RUFY1: variants seen among roughly 807,000 people sequenced by gnomAD.
RUFY1 encodes RUN and FYVE domain-containing protein 1.
In RUFY1, 54 loss-of-function variants were observed where a neutral mutation model predicts 94.6. That is an observed-to-expected ratio of 0.57 (90% CI 0.46 to 0.72). The LOEUF (loss-of-function observed/expected upper bound fraction) is 0.72. Among genes scored for constraint, RUFY1 ranks in the 30% least tolerant of loss-of-function variants. The pLI is 0.00. For missense variants in RUFY1, 883 were observed against 883.9 expected, an observed-to-expected ratio of 1.00 and a Z score of 0.01; for synonymous variants, 396 against 347.3, an observed-to-expected ratio of 1.14 and a Z score of -1.56.
rs1485543929 is a variant in RUFY1 at position 179,594,717 on chromosome 5, C to T, written c.1414-149C>T. 21 of 472,288 alleles carry T rather than the reference C, an allele frequency of 4.4e-5. No homozygotes were observed. The East Asian group carries it at 6.1e-4, about 14-fold the overall frequency. The allele number at this position is 472,288 out of a possible 1,614,324, so 29.3% of individuals were successfully genotyped here. On this transcript the variant is annotated intron_variant, in intron 11 of 17. Coordinates refer to ENST00000319449, the MANE Select transcript of RUFY1 (RefSeq NM_025158.5). ...CGGAGCTGGCAGTGAGCCAAGATCA[C>T]GCCACTGCACTCTAGCCTGGGTGAC...
intron 5 of RUFY1, among the ~76,000 whole-genome samples, chr5:179,569,680 G>T (rs978062014): frequency 1.3e-5 from 2 of 152,072 alleles, no homozygotes; most frequent in African/African-American, 4.8e-5. Context: ...CTCTGTGGGC[G>T]AGGTGAAAGT....
At chr5:179,583,855 T>C (rs1476493384) in intron 7 of RUFY1, among the ~76,000 whole-genome samples, 1 of 152,076 alleles carries the variant, frequency 6.6e-6, no homozygotes, top group Non-Finnish European at 1.5e-5. Flanking sequence ...GTTCACGCCA[T>C]TCTCCTGCCT....
intron 12 of RUFY1, chr5:179,596,295 T>C: frequency 1.9e-6 from 1 of 532,872 alleles, no homozygotes; most frequent in South Asian, 2.0e-5. Flanking sequence ...ATATAATGTA[T>C]AATTACATTG....
chr5:179,599,060 T>G (rs1215788770), intron 14 of RUFY1, among the ~76,000 whole-genome samples: 1 of 152,186 alleles, frequency 6.6e-6, no homozygotes, highest in East Asian at 1.9e-4. Flanking sequence ...AGCAGAACAG[T>G]GTCCTCACCC....
At chr5:179,561,674 CTTTCTTTTTT>C (rs1762462937) in intron 2 of RUFY1, among the ~76,000 whole-genome samples, 1 of 88,326 alleles carries the variant, frequency 1.1e-5, no homozygotes, top group African/African-American at 4.1e-5. Flanking sequence ...CTGTTTTTTT[CTTTCTTTTTT>C]TTTTTTTTTT....
At chr5:179,563,386 T>C (rs1032569466) in intron 3 of RUFY1, among the ~76,000 whole-genome samples, 35 of 152,186 alleles carry the variant, frequency 2.3e-4, no homozygotes, top group African/African-American at 8.4e-4. Context: ...TCCACAGCCA[T>C]CCTCTAGGAT....
At position 179,589,606 on chromosome 5, in the gene RUFY1, C is replaced by A. The variant is rs781748344; in HGVS notation, c.1087C>A (p.Gln363Lys). ...LQEEQQQLRE[Q>K]NELIRERSEK... Reference sequence around the variant, plus strand: ...AGAAGAACAGCAGCAGTTAAGAGAACAAAATGAATTAATTCGAGAAAGAAG... The same window carrying A: ...AGAAGAACAGCAGCAGTTAAGAGAAAAAAATGAATTAATTCGAGAAAGAAG... The change falls in exon 9 of 18, where the codon CAA (glutamine) becomes AAA (lysine). Residue 363 changes from glutamine to lysine, a missense_variant. Physicochemically the swap from Gln to Lys is moderately conservative, Grantham distance 53. Transcript: ENST00000319449. 4 of 1,613,958 alleles carry A rather than the reference C, an allele frequency of 2.5e-6. No homozygotes were observed. The African/African-American group carries it at 5.3e-5, about 22-fold the overall frequency.
chr5:179,555,915 A>G (rs974721560), intron 1 of RUFY1: 2 of 208,806 alleles, frequency 9.6e-6, no homozygotes, highest in Non-Finnish European at 2.0e-5. Flanking sequence ...CCTGACCTCA[A>G]GTGACCTGCT....
At chr5:179,560,662 G>C (rs562842534) in intron 2 of RUFY1, among the ~76,000 whole-genome samples, 35 of 147,978 alleles carry the variant, frequency 2.4e-4, no homozygotes, top group Middle Eastern at 3.5e-3. Flanking sequence ...GGAGGCGGAG[G>C]TTGCAGTGAG....
intron 15 of RUFY1, among the ~76,000 whole-genome samples, chr5:179,603,049 C>A (rs960872527): frequency 3.3e-5 from 5 of 152,092 alleles, no homozygotes; most frequent in African/African-American, 1.2e-4. Flanking sequence ...GAGCAGATCA[C>A]CTGAGGTCAG....
At chr5:179,594,629 C>T (rs1185460401) in intron 11 of RUFY1, among the ~76,000 whole-genome samples, 6 of 144,092 alleles carry the variant, frequency 4.2e-5, no homozygotes, top group African/African-American at 7.8e-5. Flanking sequence ...GATGTGGTGG[C>T]GGGCGCCTGT....
intron 5 of RUFY1, among the ~76,000 whole-genome samples, chr5:179,576,138 G>C (rs1428290838): frequency 1.3e-5 from 2 of 152,142 alleles, no homozygotes; most frequent in East Asian, 3.9e-4. Flanking sequence ...CATAGGTTCT[G>C]TGATATGGCT....
Position 179,609,202 on chromosome 5 carries a change from A to G in RUFY1, c.1984-174A>G, listed in dbSNP as rs866419167. Among the ~76,000 whole-genome samples, 27 of 50,676 alleles carry G rather than the reference A, an allele frequency of 5.3e-4. No individual in the cohort carries two copies. The Admixed American group carries it at 6.5e-3, about 12-fold the overall frequency. 33.2% of individuals were successfully genotyped at this position (50,676 alleles called of 152,430 possible). ...AGCCCGGGCGACTGAGCAAGACTCT[A>G]TCTCAAAAAAAAAAAAAAAAAAAGA... is the stretch of plus-strand genomic sequence containing the variant. On this transcript the variant is annotated intron_variant, in intron 17 of 17. Coordinates refer to ENST00000319449, the MANE Select transcript of RUFY1 (RefSeq NM_025158.5).
rs770923176 is a variant in RUFY1 at position 179,550,672 on chromosome 5, G to A, written c.103G>A (p.Glu35Lys). The change falls in exon 1 of 18, where the codon GAG (glutamate) becomes AAG (lysine). Residue 35 changes from glutamate (E) to lysine (K), a missense_variant. By Grantham distance (56) the Glu-to-Lys change is moderately conservative. Coordinates refer to ENST00000319449, the MANE Select transcript of RUFY1 (RefSeq NM_025158.5). The stretch of plus-strand genomic sequence containing the variant: ...CGGGTCAGCGCTTGAGCCGGGAGAA[G>A]AGTTTGAGATCGTGGACCGAAGCCA... ...GPGSALEPGE[E>K]FEIVDRSQLP... is the part of the protein sequence containing the mutation. The A allele has an allele frequency of 1.3e-6, 2 of 1,495,700 alleles. No homozygotes were observed. The highest frequency in any genetic ancestry group is 1.8e-6 in the Non-Finnish European group (2 of 1,128,378). The allele number at this position is 1,495,700 out of a possible 1,614,324, so 92.7% of individuals were successfully genotyped here. A position where few individuals can be genotyped will look rare whatever the true frequency, so the allele number is the denominator to read the frequency against.
rs957154801 is a variant in RUFY1 at position 179,593,773 on chromosome 5, A to T, written c.1413+128A>T. 3 of 1,391,344 alleles carry T rather than the reference A, an allele frequency of 2.2e-6. No individual in the cohort carries two copies. In the African/African-American group the frequency reaches 4.4e-5, roughly 20 times the overall value. The allele number at this position is 1,391,344 out of a possible 1,614,324, so 86.2% of individuals were successfully genotyped here. A position where few individuals can be genotyped will look rare whatever the true frequency, so the allele number is the denominator to read the frequency against. On this transcript the variant is annotated intron_variant, in intron 11 of 17. Coordinates refer to ENST00000319449, the MANE Select transcript of RUFY1 (RefSeq NM_025158.5). ...CGTATGTGTCAGACCTGCTCCTAGG[A>T]CCTATTATGATTTTGATCCTCATGG...
intron 1 of RUFY1, among the ~76,000 whole-genome samples, chr5:179,552,446 A>G (rs1340304105): frequency 6.6e-6 from 1 of 152,198 alleles, no homozygotes; most frequent in East Asian, 1.9e-4. Context: ...TTCAGTGGTC[A>G]AGAATAATTA....
At position 179,598,007 on chromosome 5, in the gene RUFY1, G is replaced by GGT. The variant is rs543723784; in HGVS notation, c.1632-683_1632-682dup. ...AGTTCAAGACCAGCCTGGCCAACATGGTGAAACGTCATCTCTACTAAAAAT... is the reference window on the plus strand; with the variant it reads ...AGTTCAAGACCAGCCTGGCCAACATGGTGTGAAACGTCATCTCTACTAAAAAT... On this transcript the variant is annotated intron_variant, in intron 13 of 17. Coordinates refer to ENST00000319449, the MANE Select transcript of RUFY1 (RefSeq NM_025158.5). Among the ~76,000 whole-genome samples, 6 of 152,276 alleles carry GGT rather than the reference G, an allele frequency of 3.9e-5. No homozygotes were observed. The South Asian group carries it at 1.2e-3, about 32-fold the overall frequency.
chr5:179,609,529 C>G lies in RUFY1; in HGVS notation c.*10C>G. ...CTCCACGGCCTCCTGAACGTCCGTC[C>G]TCAGGAGCACAGCCTCACGGACAGT... On this transcript the variant is annotated 3_prime_UTR_variant, in exon 18 of 18. Transcript: ENST00000319449. The G allele has an allele frequency of 5.0e-6, 8 of 1,592,726 alleles. No homozygotes were observed. Among genetic ancestry groups the G allele is most frequent in the African/African-American group, 1.3e-5 (1 of 74,678 alleles).
chr5:179,552,185 A>AC (rs913029992), intron 1 of RUFY1, among the ~76,000 whole-genome samples: 2 of 151,086 alleles, frequency 1.3e-5, no homozygotes, highest in Admixed American at 6.6e-5. Context: ...AAAAAAAAAA[A>AC]AACTTGTTCC....
Sources: allele counts gnomAD v4.1 joint callset (sites outside exome capture counted in the v4.1 genomes callset), GRCh38; gene constraint gnomAD v4.1.1; transcripts MANE v1.5; gene names NCBI Gene and HGNC (gene_info 2026-07-23, HGNC 2026-07-21).